Variants in PHAX observed in about 807,000 individuals in gnomAD.
PHAX encodes the protein phosphorylated adaptor for RNA export.
A neutral mutation model predicts 41.6 loss-of-function variants in PHAX; 31 were observed. The ratio of observed to expected loss-of-function variants is 0.75; its 90% CI spans 0.56 to 1.01. The LOEUF (loss-of-function observed/expected upper bound fraction) is 1.01. Among genes scored for constraint, PHAX ranks in the 50% least tolerant of loss-of-function variants. The pLI is 0.00. For synonymous variants in PHAX, 175 were observed against 164.9 expected (o/e 1.06, Z -0.47); for missense variants, 453 against 472.9 (o/e 0.96, Z 0.39).
chr5:126,622,626 G>T (rs2112838958), intron 4 of PHAX, among the ~76,000 whole-genome samples: 1 of 152,010 alleles, frequency 6.6e-6, no homozygotes, highest in East Asian at 1.9e-4. Flanking sequence ...GCCATATTTG[G>T]AGAGAAAAGG....
chr5:126,606,230 CTG>C (rs1334002674), intron 2 of PHAX, among the ~76,000 whole-genome samples: 1 of 152,154 alleles, frequency 6.6e-6, no homozygotes, highest in East Asian at 1.9e-4. Context: ...GAGTGTCACT[CTG>C]TTGCCCAGGC....
In PHAX at chr5:126,616,119, GT is replaced by G. The variant is rs1156994057; in HGVS notation, c.832-1128del. 2.0e-5 allele frequency among the ~76,000 whole-genome samples: 3 copies of G among 150,464 alleles called. No homozygotes were observed. In the East Asian group the frequency reaches 5.8e-4, roughly 29 times the overall value. The stretch of plus-strand genomic sequence containing the variant: ...TCAAAAAAAAAAAAATGAAATGGAG[GT>G]TTGCTCTTGTCGTCCAGGCTAGAGT... On this transcript the variant is annotated intron_variant, in intron 3 of 4. Coordinates refer to ENST00000297540, the MANE Select transcript of PHAX (RefSeq NM_032177.4).
intron 4 of PHAX, among the ~76,000 whole-genome samples, chr5:126,618,488 C>T (rs905694625): frequency 2.0e-5 from 3 of 152,082 alleles, no homozygotes; most frequent in African/African-American, 7.2e-5. Flanking sequence ...TCATAGTATT[C>T]AATATCTAGA....
At chr5:126,606,058 A>G (rs960101741) in intron 2 of PHAX, among the ~76,000 whole-genome samples, 1 of 152,170 alleles carries the variant, frequency 6.6e-6, no homozygotes, top group African/African-American at 2.4e-5. Flanking sequence ...CTTTCTGTCT[A>G]TAAATTTGCC....
intron 3 of PHAX, among the ~76,000 whole-genome samples, chr5:126,615,728 G>A (rs906510351): frequency 5.3e-5 from 8 of 152,014 alleles, no homozygotes; most frequent in Non-Finnish European, 1.0e-4. Flanking sequence ...TCAATAAGGT[G>A]TCTTTAAACC....
At chr5:126,609,967 G>A (rs183111104) in intron 3 of PHAX, among the ~76,000 whole-genome samples, 95 of 152,016 alleles carry the variant, frequency 6.2e-4, no homozygotes, top group African/African-American at 2.2e-3. Context: ...GAACTCCTGA[G>A]CTCAGGCAAT....
chr5:126,608,311 T>G, intron 2 of PHAX, 53 bp from the exon 3 acceptor site: 2 of 1,558,734 alleles, frequency 1.3e-6, no homozygotes, highest in Non-Finnish European at 8.7e-7. Context: ...AAGGTAGATT[T>G]CTTCAACTTT....
intron 4 of PHAX, among the ~76,000 whole-genome samples, chr5:126,619,234 ATTCTT>A (rs1752233453): frequency 6.6e-6 from 1 of 151,930 alleles, no homozygotes; most frequent in Admixed American, 6.6e-5. Context: ...GCCCTCCTTT[ATTCTT>A]TTTAACCCCA....
rs71573966 is a variant in PHAX at position 126,626,735 on chromosome 5, CAAAAAAAA to C, written c.*1901_*1908del. 2 of 77,824 alleles carry C rather than the reference CAAAAAAAA, an allele frequency of 2.6e-5. No individual in the cohort carries two copies. Among genetic ancestry groups the C allele is most frequent in the Non-Finnish European group, 5.0e-5 (2 of 39,604 alleles). 4.8% of individuals were successfully genotyped at this position (77,824 alleles called of 1,614,324 possible). A position where few individuals can be genotyped will look rare whatever the true frequency, so the allele number is the denominator to read the frequency against. ...CTGGCGACAGAGCGAGACTCCCTCT[CAAAAAAAA>C]AAAAAAAAATACAAAAAATTAGCCG... On this transcript the variant is annotated 3_prime_UTR_variant, in exon 5 of 5. Transcript: ENST00000297540.
At chr5:126,622,442 ATTTTTTTTTT>A (rs56297404) in intron 4 of PHAX, among the ~76,000 whole-genome samples, 1 of 56,070 alleles carries the variant, frequency 1.8e-5, no homozygotes, top group African/African-American at 6.2e-5. Flanking sequence ...TAATTTTTGT[ATTTTTTTTTT>A]TTTTTTTTTT....
rs556323561 is a variant in PHAX, at chr5:126,604,907, G to A, written c.710+724G>A. Among the ~76,000 whole-genome samples, 426 of 152,082 alleles carry A rather than the reference G, an allele frequency of 2.8e-3. 1 individual carries two copies. Among genetic ancestry groups the A allele is most frequent in the African/African-American group, 9.3e-3 (384 of 41,496 alleles). Reference sequence around the variant, plus strand: ...AAATTAGCTGGGCGTGGTAGTGGGCGCCTGTAATCCCAGCTACTCGGGAGG... The same window carrying A: ...AAATTAGCTGGGCGTGGTAGTGGGCACCTGTAATCCCAGCTACTCGGGAGG... On this transcript the variant is annotated intron_variant, in intron 2 of 4. Transcript: ENST00000297540.
chr5:126,605,732 T>G (rs1751979569), intron 2 of PHAX, among the ~76,000 whole-genome samples: 1 of 152,310 alleles, frequency 6.6e-6, no homozygotes, highest in East Asian at 1.9e-4. Flanking sequence ...ATAGAATAAT[T>G]TTGTAGACTT....
chr5:126,601,598 T>G (rs1751905034), intron 1 of PHAX, among the ~76,000 whole-genome samples: 1 of 152,182 alleles, frequency 6.6e-6, no homozygotes, highest in Non-Finnish European at 1.5e-5. Flanking sequence ...AAGATCTGGT[T>G]TTCCATGTTT....
At chr5:126,601,184 G>A (rs1751892069) in intron 1 of PHAX, 126 bp downstream of exon 1, 3 of 669,366 alleles carry the variant, frequency 4.5e-6, no homozygotes, top group Non-Finnish European at 7.7e-6. Flanking sequence ...AGGAGCCCAG[G>A]CTGTCGGGTC....
At chr5:126,616,790 G>T (rs920715298) in intron 3 of PHAX, among the ~76,000 whole-genome samples, 2 of 150,080 alleles carry the variant, frequency 1.3e-5, no homozygotes, top group African/African-American at 4.9e-5. Flanking sequence ...TGAGGCAGGA[G>T]AAACGCTTGA....
At chr5:126,605,166 A>ATT (rs879878122) in intron 2 of PHAX, among the ~76,000 whole-genome samples, 1 of 143,476 alleles carries the variant, frequency 7.0e-6, no homozygotes, top group African/African-American at 2.5e-5. Context: ...CTGTCCACAG[A>ATT]TTTTTTTTTT....
In PHAX at chr5:126,624,816, A is replaced by G; in HGVS notation, c.1157A>G (p.Asp386Gly). ...GAGGCAGAGGAAGCCATTGAAGTTG[A>G]TCATTCTCATGATTTGGACATCTTT... ...KLEAEEAIEV[D>G]HSHDLDIF Residue 386 changes from aspartate (D) to glycine (G), a missense_variant, in exon 5 of 5, where the codon GAT becomes GGT. Transcript: ENST00000297540. 6.2e-7 allele frequency: 1 copy of G among 1,609,862 alleles called. No individual in the cohort carries two copies.
chr5:126,620,604 G>C (rs780012262), intron 4 of PHAX, among the ~76,000 whole-genome samples: 17 of 152,124 alleles, frequency 1.1e-4, no homozygotes, highest in Admixed American at 3.9e-4. Flanking sequence ...AGTTATTCCA[G>C]CTCATTTAGG....
At chr5:126,611,204 C>A (rs538157201) in intron 3 of PHAX, among the ~76,000 whole-genome samples, 1 of 151,872 alleles carries the variant, frequency 6.6e-6, no homozygotes, top group Non-Finnish European at 1.5e-5. Flanking sequence ...TACAGGCATG[C>A]GCCACCACCC....
Sources: gnomAD v4.1 joint callset for allele counts (sites outside exome capture counted in the v4.1 genomes callset) on GRCh38, gnomAD v4.1.1 for gene constraint, MANE v1.5 for transcripts, NCBI Gene and HGNC (gene_info 2026-07-23, HGNC 2026-07-21) for gene names.